The following FIGN variants were observed in gnomAD, a reference collection of about 807,000 sequenced individuals.
The protein encoded by FIGN is fidgetin.
Under a neutral mutation model 51.3 loss-of-function variants are expected in FIGN, and 11 were observed. The ratio of observed to expected loss-of-function variants is 0.21; its 90% CI spans 0.13 to 0.35. The LOEUF is 0.35. Among genes scored for constraint, FIGN ranks in the 10% least tolerant of loss-of-function variants. FIGN has a pLI of 1.00. For missense variants in FIGN, 857 were observed against 943.6 expected, an observed-to-expected ratio of 0.91 and a Z score of 1.20; for synonymous variants, 407 against 363.2, an observed-to-expected ratio of 1.12 and a Z score of -1.37.
At chr2:163,660,337 C>CTTTA (rs1355211289) in intron 2 of FIGN, among the ~76,000 whole-genome samples, 3 of 152,090 alleles carry the variant, frequency 2.0e-5, no homozygotes. Context: ...GTAAGAGCTC[C>CTTTA]TTTACTTCCT....
chr2:163,656,118 C>T (rs556255057), intron 2 of FIGN, among the ~76,000 whole-genome samples: 30 of 152,258 alleles, frequency 2.0e-4, no homozygotes, highest in Non-Finnish European at 1.6e-4. Flanking sequence ...CTCCCCAAGA[C>T]TCTTAAGGTT....
chr2:163,657,090 C>A (rs942840872), intron 2 of FIGN, among the ~76,000 whole-genome samples: 1 of 146,562 alleles, frequency 6.8e-6, no homozygotes, highest in South Asian at 2.2e-4. Context: ...AAGAATGTGA[C>A]GTTACTGTAG....
chr2:163,677,349 C>T (rs190073202), intron 2 of FIGN, among the ~76,000 whole-genome samples: 31 of 152,300 alleles, frequency 2.0e-4, no homozygotes, highest in Admixed American at 1.0e-3. Flanking sequence ...AATACCTTAA[C>T]CCCACTGACT....
chr2:163,613,417 T>C (rs1682808864), intron 2 of FIGN, among the ~76,000 whole-genome samples: 1 of 152,138 alleles, frequency 6.6e-6, no homozygotes, highest in Non-Finnish European at 1.5e-5. Context: ...TGTCAGTTTC[T>C]ACCCCCTTCT....
chr2:163,731,313 A>C (rs1423781009), intron 2 of FIGN, among the ~76,000 whole-genome samples: 1 of 152,208 alleles, frequency 6.6e-6, no homozygotes, highest in Non-Finnish European at 1.5e-5. Context: ...TTATCTTTTC[A>C]GGTGGTTTAT....
chr2:163,654,618 G>A (rs1683530099), intron 2 of FIGN, among the ~76,000 whole-genome samples: 1 of 152,142 alleles, frequency 6.6e-6, no homozygotes, highest in South Asian at 2.1e-4. Flanking sequence ...CTGTAAAGAC[G>A]AAGGGGAGAG....
At chr2:163,613,452 C>A (rs1682809511) in intron 2 of FIGN, among the ~76,000 whole-genome samples, 1 of 152,138 alleles carries the variant, frequency 6.6e-6, no homozygotes, top group South Asian at 2.1e-4. Flanking sequence ...AGCTCTGTGG[C>A]TCTTCATTGC....
intron 2 of FIGN, among the ~76,000 whole-genome samples, chr2:163,706,945 G>T (rs1028575642): frequency 6.6e-6 from 1 of 152,068 alleles, no homozygotes; most frequent in Non-Finnish European, 1.5e-5. Context: ...TGAATGTCAC[G>T]GCCATTGCAG....
At chr2:163,631,284 A>G (rs950556896) in intron 2 of FIGN, among the ~76,000 whole-genome samples, 1 of 152,238 alleles carries the variant, frequency 6.6e-6, no homozygotes, top group Non-Finnish European at 1.5e-5. Context: ...CATGTGATAC[A>G]TAACGTAAGC....
intron 2 of FIGN, among the ~76,000 whole-genome samples, chr2:163,660,730 C>CACATAT (rs1216034989): frequency 0.13 from 3,575 of 28,488 alleles, 1,204 homozygotes; most frequent in Non-Finnish European, 0.21. Flanking sequence ...TATATGTATA[C>CACATAT]ACATATACAT....
At chr2:163,627,246 C>T (rs1683067927) in intron 2 of FIGN, among the ~76,000 whole-genome samples, 1 of 152,096 alleles carries the variant, frequency 6.6e-6, no homozygotes, top group Non-Finnish European at 1.5e-5. Context: ...GGATCAGAAC[C>T]CCTTTCTAGT....
At chr2:163,633,936 T>C (rs1019127693) in intron 2 of FIGN, among the ~76,000 whole-genome samples, 1 of 152,172 alleles carries the variant, frequency 6.6e-6, no homozygotes, top group African/African-American at 2.4e-5. Flanking sequence ...ATTCAATCAA[T>C]GAGAAAGTCT....
Position 163,606,145 on chromosome 2 carries a change from A to T in FIGN, c.*3407T>A, listed in dbSNP as rs543312737. 1 of 152,244 alleles carries T rather than the reference A, an allele frequency of 6.6e-6. No homozygotes were observed. Among genetic ancestry groups the T allele is most frequent in the East Asian group, 1.9e-4 (1 of 5,176 alleles). 9.4% of individuals were successfully genotyped at this position (152,244 alleles called of 1,614,324 possible). A position where few individuals can be genotyped will look rare whatever the true frequency, so the allele number is the denominator to read the frequency against. ...AGAATACAAACTGACTAATAGATAA[A>T]CATTCTGTGTGAAAGTAAATAGCCT... On this transcript the variant is annotated 3_prime_UTR_variant, in exon 3 of 3. Coordinates refer to ENST00000333129, the MANE Select transcript of FIGN (RefSeq NM_018086.4).
intron 2 of FIGN, among the ~76,000 whole-genome samples, chr2:163,681,860 A>C (rs1684070481): frequency 6.6e-6 from 1 of 152,186 alleles, no homozygotes; most frequent in Non-Finnish European, 1.5e-5. Flanking sequence ...AAAGGGCCTG[A>C]AAACAATCCA....
intron 2 of FIGN, among the ~76,000 whole-genome samples, chr2:163,723,473 G>C (rs565281432): frequency 6.6e-6 from 1 of 152,082 alleles, no homozygotes; most frequent in Non-Finnish European, 1.5e-5. Flanking sequence ...AATGTTCTAA[G>C]GGACAATTAA....
At chr2:163,715,690 G>A (rs1684656603) in intron 2 of FIGN, among the ~76,000 whole-genome samples, 1 of 152,138 alleles carries the variant, frequency 6.6e-6, no homozygotes, top group African/African-American at 2.4e-5. Context: ...TTTTATACAA[G>A]TTGATACTGC....
chr2:163,686,328 G>A (rs1220834377), intron 2 of FIGN, among the ~76,000 whole-genome samples: 1 of 152,140 alleles, frequency 6.6e-6, no homozygotes, highest in African/African-American at 2.4e-5. Flanking sequence ...AGGACTTCTA[G>A]TAGAGCTATA....
rs1161143708 is a variant in FIGN at position 163,734,963 on chromosome 2, CT to C, written c.-37del. 4 of 1,609,836 alleles carry C rather than the reference CT, an allele frequency of 2.5e-6. No homozygotes were observed. Among genetic ancestry groups the C allele is most frequent in the Non-Finnish European group, 2.5e-6 (3 of 1,178,360 alleles). On this transcript the variant is annotated 5_prime_UTR_variant, in exon 2 of 3. The change abolishes the stop of an existing upstream ORF in the 5' untranslated region. Coordinates refer to ENST00000333129, the MANE Select transcript of FIGN (RefSeq NM_018086.4). ...CAGCACAAAAAGCTGAATTGGATTT[CT>C]CACAAGCAGGAATTCCAAAGGTTGC...
intron 2 of FIGN, among the ~76,000 whole-genome samples, chr2:163,670,642 G>C (rs1683861197): frequency 6.6e-6 from 1 of 152,090 alleles, no homozygotes; most frequent in African/African-American, 2.4e-5. Context: ...ATCATGTCTT[G>C]GTCGATGTAT....
Sources: allele counts gnomAD v4.1 joint callset (sites outside exome capture counted in the v4.1 genomes callset), GRCh38; gene constraint gnomAD v4.1.1; transcripts MANE v1.5; gene names NCBI Gene and HGNC (gene_info 2026-07-23, HGNC 2026-07-21).